Variants in PRKG1 observed in about 807,000 individuals in gnomAD.
PRKG1 encodes protein kinase cGMP-dependent 1.
In PRKG1, 35 loss-of-function variants were observed where a neutral mutation model predicts 88.1. The ratio of observed to expected loss-of-function variants is 0.40; its 90% CI spans 0.30 to 0.53. The LOEUF is 0.53. PRKG1 is among the 20% of genes least tolerant of loss of function. The pLI is 0.59. For missense variants in PRKG1, 540 were observed against 839.8 expected (o/e 0.64, Z 4.41); for synonymous variants, 303 against 292.5 (o/e 1.04, Z -0.37).
intron 5 of PRKG1, among the ~76,000 whole-genome samples, chr10:51,991,729 C>T (rs1025798579): frequency 2.0e-5 from 3 of 152,196 alleles, no homozygotes; most frequent in Non-Finnish European, 4.4e-5. Flanking sequence ...TTTATGGCTG[C>T]ATAGTATTCC....
In PRKG1 at chr10:51,216,208, G is replaced by A. The variant is rs566721560; in HGVS notation, c.478+62878G>A. Among the ~76,000 whole-genome samples the A allele has an allele frequency of 2.0e-4, 30 of 152,324 alleles. No individual in the cohort carries two copies. In the South Asian group the frequency reaches 3.5e-3, roughly 18 times the overall value. ...CCAAAGAATTCCCACTGTAGCAGAG[G>A]ATGGAAGTCTGACTAAAGATAACTA... On this transcript the variant is annotated intron_variant, in intron 2 of 17. Transcript: ENST00000373980.
chr10:51,558,740 A>T (rs1033781321), intron 3 of PRKG1, among the ~76,000 whole-genome samples: 1 of 152,150 alleles, frequency 6.6e-6, no homozygotes, highest in East Asian at 1.9e-4. Flanking sequence ...AATGAAAAAG[A>T]TTTGACAAAG....
At chr10:51,784,946 G>C (rs1190190817) in intron 3 of PRKG1, among the ~76,000 whole-genome samples, 2 of 152,024 alleles carry the variant, frequency 1.3e-5, no homozygotes, top group Non-Finnish European at 2.9e-5. Flanking sequence ...TTAGTGTAAA[G>C]ACTATGACTA....
intron 9 of PRKG1, among the ~76,000 whole-genome samples, chr10:52,211,699 TAA>T (rs57320498): frequency 6.5e-4 from 78 of 119,940 alleles, no homozygotes; most frequent in African/African-American, 1.8e-3. Context: ...CCTATCCTGG[TAA>T]AAAAAAAAAA....
chr10:51,730,643 A>G (rs2132470018), intron 3 of PRKG1, among the ~76,000 whole-genome samples: 1 of 152,358 alleles, frequency 6.6e-6, no homozygotes, highest in South Asian at 2.1e-4. Flanking sequence ...TCTATCAAAT[A>G]CACACACGTA....
chr10:51,175,770 C>T (rs1039837400), intron 2 of PRKG1, among the ~76,000 whole-genome samples: 3 of 152,078 alleles, frequency 2.0e-5, no homozygotes, highest in Non-Finnish European at 4.4e-5. Flanking sequence ...ATTATCGGGG[C>T]TCACCTTAGA....
At chr10:52,133,197 A>G (rs1837312241) in intron 7 of PRKG1, among the ~76,000 whole-genome samples, 1 of 152,104 alleles carries the variant, frequency 6.6e-6, no homozygotes, top group Non-Finnish European at 1.5e-5. Flanking sequence ...AGATTTTCAA[A>G]GGTTTAAGAG....
At chr10:51,060,425 T>C (rs1843680045) in intron 1 of PRKG1, among the ~76,000 whole-genome samples, 1 of 152,068 alleles carries the variant, frequency 6.6e-6, no homozygotes, top group Non-Finnish European at 1.5e-5. Context: ...ACTTTTAATA[T>C]TTCAGTTATC....
chr10:51,509,632 T>C, intron 3 of PRKG1, among the ~76,000 whole-genome samples: 1 of 152,106 alleles, frequency 6.6e-6, no homozygotes, highest in East Asian at 1.9e-4. Context: ...TGCCTCAGCC[T>C]CCCAAAAGGC....
intron 3 of PRKG1, among the ~76,000 whole-genome samples, chr10:51,604,578 A>G (rs1838706679): frequency 6.6e-6 from 1 of 152,220 alleles, no homozygotes; most frequent in Non-Finnish European, 1.5e-5. Context: ...AATTTTTCTT[A>G]ATGCTGTGTG....
Position 51,676,897 on chromosome 10 carries a change from T to A in PRKG1, c.593-127688T>A, listed in dbSNP as rs1323454279. 3.9e-5 allele frequency among the ~76,000 whole-genome samples: 6 copies of A among 152,196 alleles called. No individual in the cohort carries two copies. In the South Asian group the frequency reaches 6.2e-4, roughly 16 times the overall value. ...GAAAGAAATGAGCTTCAAAGCAGTT[T>A]TACACTTTTTATTAAAATATGACAT... On this transcript the variant is annotated intron_variant, in intron 3 of 17. Transcript: ENST00000373980.
At chr10:51,783,706 G>A (rs1264346269) in intron 3 of PRKG1, among the ~76,000 whole-genome samples, 1 of 152,080 alleles carries the variant, frequency 6.6e-6, no homozygotes, top group Non-Finnish European at 1.5e-5. Context: ...CCAGTAATCT[G>A]TGTTGTAAGA....
chr10:51,689,982 A>T (rs1841094930), intron 3 of PRKG1, among the ~76,000 whole-genome samples: 1 of 152,308 alleles, frequency 6.6e-6, no homozygotes, highest in South Asian at 2.1e-4. Flanking sequence ...TAATTTATAA[A>T]GAAAAGAGGT....
intron 9 of PRKG1, among the ~76,000 whole-genome samples, chr10:52,214,671 A>G (rs1256777481): frequency 2.6e-5 from 4 of 152,300 alleles, no homozygotes; most frequent in African/African-American, 7.2e-5. Flanking sequence ...TAGAGCATGA[A>G]GTTTGAAAGG....
At chr10:51,691,308 CTT>C (rs750337206) in intron 3 of PRKG1, among the ~76,000 whole-genome samples, 43 of 134,836 alleles carry the variant, frequency 3.2e-4, no homozygotes, top group Admixed American at 3.7e-4. Flanking sequence ...TTCTTTTTAT[CTT>C]TTTTTTTTTT....
At chr10:51,134,931 A>G (rs1845654271) in intron 1 of PRKG1, among the ~76,000 whole-genome samples, 4 of 152,236 alleles carry the variant, frequency 2.6e-5, no homozygotes, top group Admixed American at 2.6e-4. Context: ...TTGGAAAATA[A>G]TAAAATGGAT....
At chr10:51,687,764 A>C (rs1841030197) in intron 3 of PRKG1, among the ~76,000 whole-genome samples, 1 of 152,200 alleles carries the variant, frequency 6.6e-6, no homozygotes, top group Non-Finnish European at 1.5e-5. Flanking sequence ...TAATAAATAT[A>C]AATGTTTCTA....
chr10:52,174,816 G>C (rs1250784272), intron 9 of PRKG1, among the ~76,000 whole-genome samples: 1 of 151,856 alleles, frequency 6.6e-6, no homozygotes, highest in Admixed American at 6.6e-5. Context: ...AGACATATCT[G>C]CTTTATATGA....
chr10:52,251,754 GT>G, intron 10 of PRKG1, 88 bp downstream of exon 10: 1 of 1,116,342 alleles, frequency 9.0e-7, no homozygotes, highest in Non-Finnish European at 1.3e-6. Context: ...CTTTTCTCTT[GT>G]TTTGTCTTTC....
Sources: gnomAD v4.1 joint callset for allele counts (sites outside exome capture counted in the v4.1 genomes callset) on GRCh38, gnomAD v4.1.1 for gene constraint, MANE v1.5 for transcripts, NCBI Gene and HGNC (gene_info 2026-07-23, HGNC 2026-07-21) for gene names.